IQGAP1: variants seen among roughly 807,000 people sequenced by gnomAD.
IQGAP1 encodes the protein IQ motif containing GTPase activating protein 1, also known as ras GTPase-activating-like protein IQGAP1.
A neutral mutation model predicts 215.6 loss-of-function variants in IQGAP1; 66 were observed. The ratio of observed to expected loss-of-function variants is 0.31; its 90% CI spans 0.25 to 0.38. The LOEUF (loss-of-function observed/expected upper bound fraction) is 0.38. IQGAP1 is among the 10% of genes least tolerant of loss of function. The probability of loss-of-function intolerance (pLI) is 1.00; values close to 1 mark genes in which losing one functional copy is unlikely to be tolerated. For synonymous variants in IQGAP1, 772 were observed against 728.7 expected (o/e 1.06, Z -0.96); for missense variants, 1,712 against 1,997.1 (o/e 0.86, Z 2.72).
chr15:90,388,481 G>A, intron 1 of IQGAP1, 85 bp downstream of exon 1: 2 of 1,193,212 alleles, frequency 1.7e-6, no homozygotes, highest in East Asian at 3.2e-5. Context: ...TCGGCCGGGC[G>A]GGTGGGGCAG....
chr15:90,476,872 CAAGA>C, intron 24 of IQGAP1, 54 bp downstream of exon 24: 1 of 1,552,642 alleles, frequency 6.4e-7, no homozygotes, highest in Non-Finnish European at 8.7e-7. Context: ...TATTTTTCCA[CAAGA>C]AAGCCTTACC....
chr15:90,453,087 G>A (rs367600196), intron 12 of IQGAP1, 45 bp from the exon 13 acceptor site: 25 of 1,571,824 alleles, frequency 1.6e-5, no homozygotes, highest in Non-Finnish European at 2.1e-5. Flanking sequence ...GGGTCTTGGA[G>A]AATGTCTTTC....
intron 2 of IQGAP1, among the ~76,000 whole-genome samples, chr15:90,425,169 G>A (rs548516868): frequency 6.6e-6 from 1 of 152,148 alleles, no homozygotes; most frequent in Non-Finnish European, 1.5e-5. Context: ...AATTAGCTGG[G>A]CATGGTGGTG....
At chr15:90,399,159 C>T (rs1303246150) in intron 2 of IQGAP1, among the ~76,000 whole-genome samples, 6 of 151,398 alleles carry the variant, frequency 4.0e-5, no homozygotes, top group Non-Finnish European at 8.8e-5. Flanking sequence ...GATGGGGTTT[C>T]TCTATGTTGC....
At chr15:90,396,456 A>C (rs1349898933) in intron 2 of IQGAP1, among the ~76,000 whole-genome samples, 2 of 152,320 alleles carry the variant, frequency 1.3e-5, no homozygotes, top group South Asian at 4.1e-4. Context: ...CTCTTTGTAC[A>C]GATGAGAAGT....
At position 90,411,003 on chromosome 15, in the gene IQGAP1, C is replaced by A. The variant is rs76662718; in HGVS notation, c.156-15107C>A. Among the ~76,000 whole-genome samples, 1,383 of 152,218 alleles carry A rather than the reference C, an allele frequency of 9.1e-3. 9 individuals carry two copies. Among genetic ancestry groups the A allele is most frequent in the Middle Eastern group, 0.02 (6 of 294 alleles). ...GCAGCATATGTCACTCTTTCCTGTTCAATTCATGGAGTTTTCTTCCTTTTA... is the reference window on the plus strand; with the variant it reads ...GCAGCATATGTCACTCTTTCCTGTTAAATTCATGGAGTTTTCTTCCTTTTA... On this transcript the variant is annotated intron_variant, in intron 2 of 37. Transcript: ENST00000268182.
chr15:90,429,326 C>T (rs750286413), intron 3 of IQGAP1, among the ~76,000 whole-genome samples: 2 of 152,100 alleles, frequency 1.3e-5, no homozygotes, highest in Admixed American at 6.6e-5. Context: ...ATTACTAAGC[C>T]AGTAATTGAA....
At position 90,501,685 on chromosome 15, in the gene IQGAP1, G is replaced by GT. The variant is rs1190810762; in HGVS notation, c.*1583dup. 3.3e-5 allele frequency: 5 copies of GT among 152,242 alleles called. No individual in the cohort carries two copies. In the East Asian group the frequency reaches 7.7e-4, roughly 23 times the overall value. The allele number at this position is 152,242 out of a possible 1,614,324, so 9.4% of individuals were successfully genotyped here. A position where few individuals can be genotyped will look rare whatever the true frequency, so the allele number is the denominator to read the frequency against. On this transcript the variant is annotated 3_prime_UTR_variant, in exon 38 of 38. Coordinates refer to ENST00000268182, the MANE Select transcript of IQGAP1 (RefSeq NM_003870.4). ...AAGGATTCGCCACTACCCAGACCTT[G>GT]TTTTTTGTTGTATTTTGGAAGACAG...
chr15:90,435,861 T>C (rs542787085), intron 5 of IQGAP1, among the ~76,000 whole-genome samples: 1 of 152,342 alleles, frequency 6.6e-6, no homozygotes, highest in African/African-American at 2.4e-5. Flanking sequence ...TTCTTTTTTA[T>C]GGTGTTTTTC....
At chr15:90,492,137 T>C (rs1966214080) in intron 34 of IQGAP1, among the ~76,000 whole-genome samples, 1 of 152,216 alleles carries the variant, frequency 6.6e-6, no homozygotes, top group African/African-American at 2.4e-5. Context: ...TGAATTTCTC[T>C]GTTAATTTGT....
chr15:90,417,101 A>T (rs1439250821), intron 2 of IQGAP1, among the ~76,000 whole-genome samples: 1 of 152,090 alleles, frequency 6.6e-6, no homozygotes, highest in Non-Finnish European at 1.5e-5. Context: ...TAGATTCTGG[A>T]TATTAGCCCT....
intron 18 of IQGAP1, among the ~76,000 whole-genome samples, chr15:90,468,395 ATG>A (rs1214579343): frequency 6.6e-6 from 1 of 152,132 alleles, no homozygotes; most frequent in Non-Finnish European, 1.5e-5. Flanking sequence ...AATACCTCAA[ATG>A]TAGCAGGTAC....
chr15:90,459,999 G>A (rs78754242), intron 15 of IQGAP1, among the ~76,000 whole-genome samples: 2,091 of 151,824 alleles, frequency 0.014, 41 homozygotes, highest in African/African-American at 0.047. Flanking sequence ...GTGAGGCCAC[G>A]TGGTCCGGAG....
chr15:90,426,272 T>A lies in IQGAP1; in HGVS notation c.312+6T>A. On this transcript the variant is annotated splice_donor_region_variant and intron_variant, in intron 3 of 37. Transcript: ENST00000268182. Reference sequence around the variant, plus strand: ...GAGAACAGACCAGATACAAGGTGAGTCCTTCCTTGCTTTGTGCTTAGATTT... The same window carrying A: ...GAGAACAGACCAGATACAAGGTGAGACCTTCCTTGCTTTGTGCTTAGATTT... 2 of 1,580,396 alleles carry A rather than the reference T, an allele frequency of 1.3e-6. No homozygotes were observed. Among genetic ancestry groups the A allele is most frequent in the Non-Finnish European group, 1.7e-6 (2 of 1,170,388 alleles).
At chr15:90,482,750 G>A in intron 28 of IQGAP1, 6 of 991,108 alleles carry the variant, frequency 6.1e-6, no homozygotes, top group Non-Finnish European at 7.2e-6. Context: ...TTCTGTTCAG[G>A]TGAATTAATT....
Position 90,486,102 on chromosome 15 carries a change from G to A in IQGAP1, c.3994G>A (p.Gly1332Ser), listed in dbSNP as rs760464269. ...DPIHELLDDLGEVPTIESLIG... is the reference protein window; with the variant it reads ...DPIHELLDDLSEVPTIESLIG... ...AATCCACGAACTGCTGGACGACCTC[G>A]GCGAGGTGCCCACCATCGAGTCCCT... The change falls in exon 31 of 38, where the codon GGC becomes AGC. Residue 1332 changes from glycine (G) to serine (S), a missense_variant. Transcript: ENST00000268182. 8 of 1,613,698 alleles carry A rather than the reference G, an allele frequency of 5.0e-6. No homozygotes were observed. Among genetic ancestry groups the A allele is most frequent in the East Asian group, 4.5e-5 (2 of 44,874 alleles).
chr15:90,435,777 T>C (rs1462169685), intron 5 of IQGAP1, among the ~76,000 whole-genome samples: 1 of 152,220 alleles, frequency 6.6e-6, no homozygotes, highest in African/African-American at 2.4e-5. Context: ...TCTGCTATTG[T>C]TTTCCATTTC....
chr15:90,430,625 A>G (rs1240238900), intron 4 of IQGAP1, among the ~76,000 whole-genome samples: 3 of 152,116 alleles, frequency 2.0e-5, no homozygotes, highest in South Asian at 2.1e-4. Flanking sequence ...TCAGATCACT[A>G]TTTTTGTGTA....
At chr15:90,431,824 A>G (rs976309931) in intron 4 of IQGAP1, among the ~76,000 whole-genome samples, 1 of 152,194 alleles carries the variant, frequency 6.6e-6, no homozygotes, top group African/African-American at 2.4e-5. Flanking sequence ...TAATCTCTTT[A>G]TATGGTACAT....
Sources: gnomAD v4.1 joint callset for allele counts (sites outside exome capture counted in the v4.1 genomes callset) on GRCh38, gnomAD v4.1.1 for gene constraint, MANE v1.5 for transcripts, NCBI Gene and HGNC (gene_info 2026-07-23, HGNC 2026-07-21) for gene names.